Variants in AP1G1 observed in about 807,000 individuals in gnomAD.
AP1G1 encodes adaptor related protein complex 1 subunit gamma 1, also known as AP-1 complex subunit gamma-1.
AP1G1 carries 7 observed loss-of-function variants against 108.3 expected under a neutral mutation model. The observed-to-expected ratio is 0.06, with a 90% CI of 0.04 to 0.12. AP1G1 has a LOEUF of 0.12. Among genes scored for constraint, AP1G1 ranks in the 10% least tolerant of loss-of-function variants. The pLI is 1.00. For missense variants in AP1G1, 756 were observed against 1,010.7 expected (o/e 0.75, Z 3.42); for synonymous variants, 379 against 353.5 (o/e 1.07, Z -0.81).
Position 71,760,884 on chromosome 16 carries a change from C to G in AP1G1, c.974+628G>C, listed in dbSNP as rs182229658. On this transcript the variant is annotated intron_variant, in intron 10 of 22. Transcript: ENST00000299980. ...CATGTTTAATACAAGAAAAATTTCT[C>G]CTGATTAGAAAAACAGGTAAGCAGG... Among the ~76,000 whole-genome samples, 585 of 152,194 alleles carry G rather than the reference C, an allele frequency of 3.8e-3. 1 individual carries two copies. Among genetic ancestry groups the G allele is most frequent in the Middle Eastern group, 0.024 (7 of 294 alleles).
intron 1 of AP1G1, among the ~76,000 whole-genome samples, chr16:71,802,522 G>A (rs1434644198): frequency 6.6e-6 from 1 of 152,150 alleles, no homozygotes; most frequent in Non-Finnish European, 1.5e-5. Flanking sequence ...CTGAGGTCAG[G>A]AGGTCAAGAC....
Position 71,750,303 on chromosome 16 carries a change from G to C in AP1G1, c.1314C>G (p.Val438=). Residue 438 remains valine (V), a synonymous_variant, in exon 14 of 23, where the codon GTC becomes GTG. Transcript: ENST00000299980. ...TAGSYVRDDA[V]PNLIQLITNS... is the part of the protein sequence containing the mutation. The stretch of plus-strand genomic sequence containing the variant: ...TAGTTATTAACTGGATTAAATTGGG[G>C]ACTGCATCATCACGAACATAACTTC... 1 of 1,614,042 alleles carries C rather than the reference G, an allele frequency of 6.2e-7. No individual in the cohort carries two copies. The highest frequency in any genetic ancestry group is 1.1e-5 in the South Asian group (1 of 91,076).
chr16:71,786,836 A>G (rs1213466890), intron 2 of AP1G1, among the ~76,000 whole-genome samples: 2 of 152,040 alleles, frequency 1.3e-5, no homozygotes, highest in Non-Finnish European at 2.9e-5. Flanking sequence ...GCCAAGACAC[A>G]TGGATTGCTT....
At chr16:71,781,696 A>G (rs2032024087) in intron 2 of AP1G1, among the ~76,000 whole-genome samples, 4 of 152,242 alleles carry the variant, frequency 2.6e-5, no homozygotes, top group Admixed American at 2.6e-4. Context: ...TCACTGCTAC[A>G]TAGTATCCCA....
At chr16:71,795,315 T>G (rs973052253) in intron 1 of AP1G1, among the ~76,000 whole-genome samples, 1 of 152,218 alleles carries the variant, frequency 6.6e-6, no homozygotes, top group African/African-American at 2.4e-5. Context: ...CTTTTCAACA[T>G]TAAAATCACC....
At chr16:71,768,917 C>CAAAAAAAAA (rs58725744) in intron 6 of AP1G1, among the ~76,000 whole-genome samples, 3 of 42,188 alleles carry the variant, frequency 7.1e-5, no homozygotes, top group Admixed American at 4.0e-4. Context: ...GACTCTGTCT[C>CAAAAAAAAA]AAAAAAAAAA....
chr16:71,733,178 A>C lies in AP1G1; in HGVS notation c.2368-19T>G. The C allele has an allele frequency of 1.9e-6, 3 of 1,577,312 alleles. No homozygotes were observed. The highest frequency in any genetic ancestry group is 2.6e-6 in the Non-Finnish European group (3 of 1,147,186). On this transcript the variant is annotated intron_variant, in intron 22 of 22. Transcript: ENST00000299980. The stretch of plus-strand genomic sequence containing the variant: ...GCTGTTGCTATAAGAGGAAAAGAGA[A>C]GTGCAAATTATATACTGAAATGAAA...
intron 1 of AP1G1, chr16:71,808,542 G>A (rs1422976890): frequency 7.8e-7 from 1 of 1,285,452 alleles, no homozygotes; most frequent in Non-Finnish European, 1.0e-6. Context: ...GCCGCGGCGC[G>A]CGGAACCTCC....
intron 6 of AP1G1, among the ~76,000 whole-genome samples, chr16:71,768,512 A>AAAAAAAAAG (rs1214880401): frequency 1.3e-5 from 2 of 150,882 alleles, no homozygotes; most frequent in Admixed American, 6.6e-5. Context: ...AAAAAAAAAA[A>AAAAAAAAAG]AGAGAGAAGG....
At chr16:71,782,491 T>TTATTA (rs1567658638) in intron 2 of AP1G1, among the ~76,000 whole-genome samples, 6 of 126,144 alleles carry the variant, frequency 4.8e-5, no homozygotes, top group African/African-American at 1.9e-4. Context: ...TATTATTATT[T>TTATTA]TTATTATTAT....
At chr16:71,755,922 G>T in intron 12 of AP1G1, 97 bp downstream of exon 12, 1 of 1,354,776 alleles carries the variant, frequency 7.4e-7, no homozygotes, top group Non-Finnish European at 1.0e-6. Flanking sequence ...GAGACTGCAG[G>T]CGTGTGCCAC....
intron 21 of AP1G1, among the ~76,000 whole-genome samples, chr16:71,738,681 C>T (rs547181102): frequency 1.3e-5 from 2 of 152,286 alleles, no homozygotes; most frequent in African/African-American, 4.8e-5. Flanking sequence ...CTGATCACCT[C>T]GTAGAATTCT....
chr16:71,743,175 C>T (rs2029958494), intron 19 of AP1G1: 1 of 152,058 alleles, frequency 6.6e-6, no homozygotes, highest in African/African-American at 2.4e-5. Flanking sequence ...TCCAGTACAG[C>T]TTTGACATTT....
At position 71,803,762 on chromosome 16, in the gene AP1G1, T is replaced by C. The variant is rs548869164; in HGVS notation, c.-4+5001A>G. On this transcript the variant is annotated intron_variant, in intron 1 of 22. Transcript: ENST00000299980. ...CAACAGGGTGAAGCCCTGTCTCTAC[T>C]AAAAATACAAAAATTAGCTAGGCAT... 8.6e-5 allele frequency among the ~76,000 whole-genome samples: 13 copies of C among 152,028 alleles called. No individual in the cohort carries two copies. The East Asian group carries it at 2.5e-3, about 29-fold the overall frequency.
intron 19 of AP1G1, among the ~76,000 whole-genome samples, chr16:71,741,372 C>G (rs2045619142): frequency 6.6e-6 from 1 of 152,132 alleles, no homozygotes; most frequent in African/African-American, 2.4e-5. Flanking sequence ...CACCTGAGGT[C>G]AGGAGTTTGA....
At chr16:71,769,380 G>T (rs966883783) in intron 6 of AP1G1, 2 of 455,398 alleles carry the variant, frequency 4.4e-6, no homozygotes, top group Non-Finnish European at 8.2e-6. Context: ...AAACACATGA[G>T]ATTGGTGTGT....
chr16:71,750,350 C>A lies in AP1G1; in HGVS notation c.1285-18G>T. 6.2e-7 allele frequency: 1 copy of A among 1,613,108 alleles called. No individual in the cohort carries two copies. The highest frequency in any genetic ancestry group is 2.2e-5 in the East Asian group (1 of 44,862). ...CTTCCTGCCTAAAAGGAAATGCAGA[C>A]AATTACCCCTAGAAACACACAGAAA... On this transcript the variant is annotated intron_variant, in intron 13 of 22. Coordinates refer to ENST00000299980, the MANE Select transcript of AP1G1 (RefSeq NM_001128.6).
At chr16:71,750,707 C>T (rs1382347984) in intron 13 of AP1G1, among the ~76,000 whole-genome samples, 2 of 151,880 alleles carry the variant, frequency 1.3e-5, no homozygotes, top group South Asian at 2.1e-4. Context: ...TGTGCCACTG[C>T]GCCCAGCCAT....
chr16:71,750,499 C>A, intron 13 of AP1G1, 167 bp from the exon 14 acceptor site: 1 of 662,350 alleles, frequency 1.5e-6, no homozygotes, highest in East Asian at 3.2e-5. Flanking sequence ...ACTGCAACCT[C>A]CACCTCCCAG....
Sources: gnomAD v4.1 joint callset for allele counts (sites outside exome capture counted in the v4.1 genomes callset) on GRCh38, gnomAD v4.1.1 for gene constraint, MANE v1.5 for transcripts, NCBI Gene and HGNC (gene_info 2026-07-23, HGNC 2026-07-21) for gene names.